ERBIN: variants seen among roughly 807,000 people sequenced by gnomAD.
ERBIN encodes erbb2 interacting protein, also known as densin-180-like protein.
A neutral mutation model predicts 158.4 loss-of-function variants in ERBIN; 60 were observed. The observed-to-expected ratio is 0.38, with a 90% CI of 0.31 to 0.47. The LOEUF (loss-of-function observed/expected upper bound fraction) is 0.47. Ranked by LOEUF, ERBIN falls within the 20% of genes least tolerant of loss-of-function variation. The probability of loss-of-function intolerance (pLI) is 0.99; values close to 1 mark genes in which losing one functional copy is unlikely to be tolerated. For synonymous variants in ERBIN, 594 were observed against 557.2 expected, an observed-to-expected ratio of 1.07 and a Z score of -0.93; for missense variants, 1,610 against 1,648.0, an observed-to-expected ratio of 0.98 and a Z score of 0.40.
At chr5:66,069,487 T>G (rs1761338709) in intron 21 of ERBIN, among the ~76,000 whole-genome samples, 1 of 152,220 alleles carries the variant, frequency 6.6e-6, no homozygotes, top group African/African-American at 2.4e-5. Flanking sequence ...ACTGTGAGAC[T>G]GGAGAAATTG....
At chr5:65,978,221 T>G (rs1376265349) in intron 1 of ERBIN, among the ~76,000 whole-genome samples, 1 of 152,240 alleles carries the variant, frequency 6.6e-6, no homozygotes, top group Admixed American at 6.5e-5. Flanking sequence ...TTTCCAAGTA[T>G]TGCTATGAGC....
chr5:66,067,096 T>G (rs1185543648), intron 21 of ERBIN, among the ~76,000 whole-genome samples: 1 of 151,506 alleles, frequency 6.6e-6, no homozygotes, highest in Non-Finnish European at 1.5e-5. Context: ...GATTTCTTTG[T>G]TTTTTTTTAT....
In ERBIN at chr5:66,078,533, A is replaced by T. The variant is rs1409019157; in HGVS notation, c.*3A>T. The T allele has an allele frequency of 1.3e-6, 2 of 1,588,688 alleles. No individual in the cohort carries two copies. Among genetic ancestry groups the T allele is most frequent in the Non-Finnish European group, 1.7e-6 (2 of 1,159,968 alleles). On this transcript the variant is annotated 3_prime_UTR_variant, in exon 26 of 26. Coordinates refer to ENST00000284037, the MANE Select transcript of ERBIN (RefSeq NM_001253697.2). The stretch of plus-strand genomic sequence containing the variant: ...TTGTACGAGAAGTTTCCTCATAAGC[A>T]CTGTGGACAAAAAAAGCGGGGAAGA...
At chr5:66,018,730 G>A (rs919618519) in intron 7 of ERBIN, among the ~76,000 whole-genome samples, 4 of 145,198 alleles carry the variant, frequency 2.8e-5, no homozygotes, top group East Asian at 2.0e-4. Context: ...TCTATCTCCC[G>A]GGTCCACGCC....
rs1376715889 is a variant in ERBIN at position 65,977,161 on chromosome 5, C to T, written c.-57-11474C>T. Among the ~76,000 whole-genome samples, 3 of 148,014 alleles carry T rather than the reference C, an allele frequency of 2.0e-5. No homozygotes were observed. In the South Asian group the frequency reaches 6.4e-4, roughly 32 times the overall value. On this transcript the variant is annotated intron_variant, in intron 1 of 25. Coordinates refer to ENST00000284037, the MANE Select transcript of ERBIN (RefSeq NM_001253697.2). ...GGGCGGGGGGCTGACTCCCCCACCT[C>T]CCTCCCGGACGGGGCGGCTGGCCGG...
At chr5:65,966,703 A>C (rs1485557859) in intron 1 of ERBIN, among the ~76,000 whole-genome samples, 1 of 148,534 alleles carries the variant, frequency 6.7e-6, no homozygotes, top group South Asian at 2.1e-4. Context: ...AAAAAAAAAA[A>C]AAAAAAGGTA....
At chr5:66,053,367 G>T in intron 20 of ERBIN, 39 bp from the exon 21 acceptor site, 2 of 1,253,718 alleles carry the variant, frequency 1.6e-6, no homozygotes, top group Non-Finnish European at 2.1e-6. Context: ...AAGAAAACTC[G>T]GCTTTATTAT....
intron 1 of ERBIN, among the ~76,000 whole-genome samples, chr5:65,958,476 T>TCAGG (rs974675952): frequency 2.6e-5 from 4 of 151,996 alleles, no homozygotes; most frequent in African/African-American, 9.7e-5. Context: ...CGAAAACCAG[T>TCAGG]CAGGCGGGGC....
At chr5:65,988,983 CAAAA>C (rs34731955) in intron 2 of ERBIN, among the ~76,000 whole-genome samples, 3 of 62,898 alleles carry the variant, frequency 4.8e-5, no homozygotes, top group Non-Finnish European at 6.0e-5. Context: ...ACCCTGTTTC[CAAAA>C]AAAAAAAAAA....
chr5:66,045,646 A>G (rs143909690), intron 17 of ERBIN, among the ~76,000 whole-genome samples: 1 of 152,262 alleles, frequency 6.6e-6, no homozygotes. Flanking sequence ...GTTCTCAGCT[A>G]CCTGAACTGG....
intron 1 of ERBIN, among the ~76,000 whole-genome samples, chr5:65,954,537 A>C (rs556450355): frequency 6.6e-6 from 1 of 152,298 alleles, no homozygotes; most frequent in Admixed American, 6.5e-5. Context: ...AATGATGAAC[A>C]TTGTAACATT....
At chr5:65,931,921 C>T (rs370532176) in intron 1 of ERBIN, among the ~76,000 whole-genome samples, 58 of 150,238 alleles carry the variant, frequency 3.9e-4, no homozygotes, top group African/African-American at 1.2e-3. Context: ...CGGGTTTAAG[C>T]GATTCTCTTG....
At chr5:66,046,954 A>G (rs1327339646) in intron 18 of ERBIN, among the ~76,000 whole-genome samples, 3 of 150,732 alleles carry the variant, frequency 2.0e-5, no homozygotes, top group Admixed American at 1.3e-4. Flanking sequence ...AACTTTTTTT[A>G]AAAAACAGCT....
chr5:66,059,831 G>C (rs1371915888), intron 21 of ERBIN, among the ~76,000 whole-genome samples: 5 of 152,140 alleles, frequency 3.3e-5, no homozygotes, highest in African/African-American at 1.2e-4. Flanking sequence ...TTTATATGCT[G>C]GATTACGTTT....
At position 66,076,461 on chromosome 5, in the gene ERBIN, T is replaced by A. The variant is rs1761993555; in HGVS notation, c.4056+53T>A. 2.3e-6 allele frequency: 3 copies of A among 1,298,770 alleles called. No individual in the cohort carries two copies. The East Asian group carries it at 6.9e-5, about 30-fold the overall frequency. 80.5% of individuals were successfully genotyped at this position (1,298,770 alleles called of 1,614,324 possible). ...CACCTATAAAGTTTTATTTACCGAT[T>A]GAATACTTAAATGTAAGTGAAAATC... On this transcript the variant is annotated intron_variant, in intron 24 of 25. Transcript: ENST00000284037.
At chr5:66,018,455 T>C (rs1339390082) in intron 7 of ERBIN, among the ~76,000 whole-genome samples, 2 of 15,888 alleles carry the variant, frequency 1.3e-4, no homozygotes, top group East Asian at 1.8e-3. Context: ...TAATATATAT[T>C]ATATTATATA....
chr5:66,007,782 A>G (rs910506367), intron 4 of ERBIN, among the ~76,000 whole-genome samples: 1 of 152,196 alleles, frequency 6.6e-6, no homozygotes, highest in African/African-American at 2.4e-5. Flanking sequence ...AACTTTGAAG[A>G]TAGGTAATTT....
chr5:65,990,910 G>A (rs1017471751), intron 2 of ERBIN, among the ~76,000 whole-genome samples: 2 of 151,610 alleles, frequency 1.3e-5, no homozygotes, highest in African/African-American at 4.8e-5. Flanking sequence ...ACAGGCACCC[G>A]CCACCACGCC....
chr5:65,947,481 C>CAGATG (rs1745918365), intron 1 of ERBIN, among the ~76,000 whole-genome samples: 1 of 152,158 alleles, frequency 6.6e-6, no homozygotes, highest in African/African-American at 2.4e-5. Context: ...TTTCTCCTTA[C>CAGATG]AGATGAGATT....
Sources: allele counts gnomAD v4.1 joint callset (sites outside exome capture counted in the v4.1 genomes callset), GRCh38; gene constraint gnomAD v4.1.1; transcripts MANE v1.5; gene names NCBI Gene and HGNC (gene_info 2026-07-23, HGNC 2026-07-21).